Variants in PACSIN1 observed in about 807,000 individuals in gnomAD.
PACSIN1 encodes the protein protein kinase C and casein kinase substrate in neurons 1.
In PACSIN1, 15 loss-of-function variants were observed where a neutral mutation model predicts 59.5. That is an observed-to-expected ratio of 0.25 (90% confidence interval 0.17 to 0.39). The LOEUF (loss-of-function observed/expected upper bound fraction) is 0.39, where lower values mean the gene tolerates loss of function less well. PACSIN1 is among the 10% of genes least tolerant of loss of function. PACSIN1 has a pLI of 1.00. For synonymous variants in PACSIN1, 210 were observed against 220.6 expected, an observed-to-expected ratio of 0.95 and a Z score of 0.42; for missense variants, 420 against 580.2, an observed-to-expected ratio of 0.72 and a Z score of 2.84.
Position 34,532,365 on chromosome 6 carries a change from G to A in PACSIN1, c.1226-56G>A. Reference sequence around the variant, plus strand: ...TTGGAGGGTTCCCCTAGCAGCCGGTGCGTTGAGGGAGGGGCAGCCTTCTCT... The same window carrying A: ...TTGGAGGGTTCCCCTAGCAGCCGGTACGTTGAGGGAGGGGCAGCCTTCTCT... On this transcript the variant is annotated intron_variant, in intron 9 of 9. Coordinates refer to ENST00000244458, the MANE Select transcript of PACSIN1 (RefSeq NM_020804.5). This position sits in a 1 kb window ranked among gnomAD's most constrained non-coding sequence, Gnocchi z 5.2. 1 of 1,187,268 alleles carries A rather than the reference G, an allele frequency of 8.4e-7. No individual in the cohort carries two copies. Among genetic ancestry groups the A allele is most frequent in the Non-Finnish European group, 1.2e-6 (1 of 817,158 alleles). 73.5% of individuals were successfully genotyped at this position (1,187,268 alleles called of 1,614,324 possible).
rs1038683256 is a variant in PACSIN1, at chr6:34,521,375, C to T, written c.-63-4868C>T. Among the ~76,000 whole-genome samples, 1 of 152,212 alleles carries T rather than the reference C, an allele frequency of 6.6e-6. No individual in the cohort carries two copies. Among genetic ancestry groups the T allele is most frequent in the Admixed American group, 6.5e-5 (1 of 15,288 alleles). On this transcript the variant is annotated intron_variant, in intron 1 of 9. Transcript: ENST00000244458. This position sits in a 1 kb window ranked among gnomAD's most constrained non-coding sequence, Gnocchi z 4.3. ...CACGAGGCCTGGCCTCTCCAGGCTC[C>T]TGCTCTTAATTCCTCTGTCCCTTCC...
At chr6:34,470,188 T>C (rs930589860) in intron 1 of PACSIN1, among the ~76,000 whole-genome samples, 1 of 152,040 alleles carries the variant, frequency 6.6e-6, no homozygotes, top group South Asian at 2.1e-4. Flanking sequence ...TTATTATTAT[T>C]ATTATTATTT....
At chr6:34,476,792 G>A (rs1766644771) in intron 1 of PACSIN1, among the ~76,000 whole-genome samples, 1 of 152,206 alleles carries the variant, frequency 6.6e-6, no homozygotes, top group African/African-American at 2.4e-5. Context: ...GCCGGGGGCG[G>A]GTGGCAAATC....
intron 1 of PACSIN1, among the ~76,000 whole-genome samples, chr6:34,494,257 T>G (rs1046857868): frequency 4.6e-5 from 7 of 152,272 alleles, no homozygotes; most frequent in African/African-American, 1.7e-4. Context: ...CCCCATTCTT[T>G]GTTTCATGGT....
At position 34,497,473 on chromosome 6, in the gene PACSIN1, T is replaced by C. The variant is rs1017478400; in HGVS notation, c.-63-28770T>C. Among the ~76,000 whole-genome samples, 5 of 152,192 alleles carry C rather than the reference T, an allele frequency of 3.3e-5. No homozygotes were observed. The South Asian group carries it at 8.3e-4, about 25-fold the overall frequency. On this transcript the variant is annotated intron_variant, in intron 1 of 9. Transcript: ENST00000244458. The stretch of plus-strand genomic sequence containing the variant: ...TGGGCAGATAGGCTTTCCGCAGAAG[T>C]CAGCTGCTGCAACAATTGGGAAGCT...
intron 1 of PACSIN1, among the ~76,000 whole-genome samples, chr6:34,467,685 A>G (rs746082818): frequency 2.0e-5 from 3 of 150,678 alleles, no homozygotes; most frequent in Non-Finnish European, 4.4e-5. Context: ...CAGCCTCCTG[A>G]GTAGCTGGAA....
chr6:34,494,653 G>A (rs545698319), intron 1 of PACSIN1, among the ~76,000 whole-genome samples: 7 of 151,956 alleles, frequency 4.6e-5, no homozygotes, highest in South Asian at 2.1e-4. Flanking sequence ...TGTGTTGCCC[G>A]GGCTGCTCTT....
chr6:34,468,041 G>A (rs1243348422), intron 1 of PACSIN1, among the ~76,000 whole-genome samples: 6 of 152,166 alleles, frequency 3.9e-5, no homozygotes, highest in Non-Finnish European at 5.9e-5. Flanking sequence ...CTTTCTTCCC[G>A]GGGTGCCAAC....
In PACSIN1 at chr6:34,516,326, G is replaced by T. The variant is rs1205604360; in HGVS notation, c.-63-9917G>T. On this transcript the variant is annotated intron_variant, in intron 1 of 9. Transcript: ENST00000244458. The surrounding 1 kb of genome is among the most constrained non-coding windows in gnomAD (Gnocchi z 5.4). ...CAAACGTTAGACGCACATTCACAGA[G>T]TGCTGGACTCAGGGGCTCCCACTTT... is the stretch of plus-strand genomic sequence containing the variant. Among the ~76,000 whole-genome samples, 1 of 152,204 alleles carries T rather than the reference G, an allele frequency of 6.6e-6. No homozygotes were observed. Among genetic ancestry groups the T allele is most frequent in the Non-Finnish European group, 1.5e-5 (1 of 68,028 alleles).
chr6:34,493,782 G>A (rs565273644), intron 1 of PACSIN1, among the ~76,000 whole-genome samples: 6 of 152,266 alleles, frequency 3.9e-5, no homozygotes, highest in African/African-American at 9.6e-5. Flanking sequence ...TTATCAGATC[G>A]TAACATCCTC....
intron 1 of PACSIN1, among the ~76,000 whole-genome samples, chr6:34,505,496 C>T (rs992962072): frequency 6.7e-6 from 1 of 149,716 alleles, no homozygotes; most frequent in Non-Finnish European, 1.5e-5. Flanking sequence ...ATTTTAGTTC[C>T]ACAGGTTCCT....
chr6:34,476,111 A>G (rs1169083327), intron 1 of PACSIN1, among the ~76,000 whole-genome samples: 11 of 152,162 alleles, frequency 7.2e-5, no homozygotes, highest in African/African-American at 2.7e-4. Context: ...TTGTCCCTGG[A>G]GTTGCCAGTC....
In PACSIN1 at chr6:34,515,926, GC is replaced by G. The variant is rs1174036437; in HGVS notation, c.-63-10314del. ...GGGTGGGGTGCAGGGGAGGAGCTGGGCCCTCTGCCCCAACTCTGGGCAGGGA... is the reference window on the plus strand; with the variant it reads ...GGGTGGGGTGCAGGGGAGGAGCTGGGCCTCTGCCCCAACTCTGGGCAGGGA... On this transcript the variant is annotated intron_variant, in intron 1 of 9. Transcript: ENST00000244458. The surrounding 1 kb of genome is among the most constrained non-coding windows in gnomAD (Gnocchi z 4.4). 6.6e-6 allele frequency among the ~76,000 whole-genome samples: 1 copy of G among 151,990 alleles called. No individual in the cohort carries two copies. The highest frequency in any genetic ancestry group is 2.4e-5 in the African/African-American group (1 of 41,362).
rs1442599787 is a variant in PACSIN1 at position 34,501,268 on chromosome 6, G to T, written c.-63-24975G>T. 3.9e-5 allele frequency among the ~76,000 whole-genome samples: 6 copies of T among 152,218 alleles called. No homozygotes were observed. In the East Asian group the frequency reaches 1.2e-3, roughly 29 times the overall value. The stretch of plus-strand genomic sequence containing the variant: ...CTCCAATTTTTAAAAAAATTACTTA[G>T]CGTGTATAGTTTGGTAGACAAAAAT... On this transcript the variant is annotated intron_variant, in intron 1 of 9. Coordinates refer to ENST00000244458, the MANE Select transcript of PACSIN1 (RefSeq NM_020804.5).
At chr6:34,471,333 T>C (rs1766568969) in intron 1 of PACSIN1, among the ~76,000 whole-genome samples, 1 of 152,048 alleles carries the variant, frequency 6.6e-6, no homozygotes, top group Non-Finnish European at 1.5e-5. Context: ...TGTTCTTGAG[T>C]GTGGGGGAAG....
chr6:34,530,673 G>T lies in PACSIN1; in HGVS notation c.1037+86G>T, dbSNP rs1767577891. The T allele has an allele frequency of 2.2e-6, 3 of 1,345,714 alleles. No individual in the cohort carries two copies. Among genetic ancestry groups the T allele is most frequent in the Non-Finnish European group, 2.9e-6 (3 of 1,018,418 alleles). 83.4% of individuals were successfully genotyped at this position (1,345,714 alleles called of 1,614,324 possible). A position where few individuals can be genotyped will look rare whatever the true frequency, so the allele number is the denominator to read the frequency against. On this transcript the variant is annotated intron_variant, in intron 8 of 9. Coordinates refer to ENST00000244458, the MANE Select transcript of PACSIN1 (RefSeq NM_020804.5). The surrounding 1 kb of genome is among the most constrained non-coding windows in gnomAD (Gnocchi z 4.4). ...GTTTTGCTTCAGAAGACAAGAAATG[G>T]TCTAGATCATAGCAACTATGTCTCC...
At chr6:34,495,439 G>A (rs1303712890) in intron 1 of PACSIN1, among the ~76,000 whole-genome samples, 3 of 151,902 alleles carry the variant, frequency 2.0e-5, no homozygotes, top group Non-Finnish European at 2.9e-5. Context: ...TCCAACGTGG[G>A]GATCAGGAAT....
intron 1 of PACSIN1, among the ~76,000 whole-genome samples, chr6:34,506,447 T>C (rs1253008377): frequency 6.6e-6 from 1 of 152,240 alleles, no homozygotes; most frequent in Non-Finnish European, 1.5e-5. Flanking sequence ...ACTCCTGGCC[T>C]CAAGTGATCC....
At chr6:34,527,198 GCGGGGGCGGGGA>G in intron 2 of PACSIN1, 122 bp from the exon 3 acceptor site, 1 of 900,314 alleles carries the variant, frequency 1.1e-6, no homozygotes. Flanking sequence ...GGGGGCGGGG[GCGGGGGCGGGGA>G]CGGCGAGGCC....
Sources: allele counts gnomAD v4.1 joint callset (sites outside exome capture counted in the v4.1 genomes callset), GRCh38; gene constraint gnomAD v4.1.1; non-coding constraint Gnocchi (gnomAD v3.1); transcripts MANE v1.5; gene names NCBI Gene and HGNC (gene_info 2026-07-23, HGNC 2026-07-21).